ZFP42: variants seen among roughly 807,000 people sequenced by gnomAD.
The protein encoded by ZFP42 is zinc finger protein 42 homolog.
For synonymous variants in ZFP42, 175 were observed against 144.6 expected (o/e 1.21, Z -1.51); for missense variants, 438 against 377.1 (o/e 1.16, Z -1.34).
rs1733955709 is a variant in ZFP42 at position 188,003,926 on chromosome 4, CTTTTA to C, written c.*190_*194del. The C allele has an allele frequency of 5.4e-6, 3 of 553,074 alleles. No individual in the cohort carries two copies. Among genetic ancestry groups the C allele is most frequent in the Admixed American group, 7.4e-5 (2 of 26,934 alleles). The allele number at this position is 553,074 out of a possible 1,614,324, so 34.3% of individuals were successfully genotyped here. ...TTAAGGACATGGTGCATTTTTTTTT[CTTTTA>C]TTTGTTTTATTTAGAACTTTTTTTA... On this transcript the variant is annotated 3_prime_UTR_variant, in exon 4 of 4. Coordinates refer to ENST00000326866, the MANE Select transcript of ZFP42 (RefSeq NM_174900.5).
At chr4:187,999,768 C>T (rs1733738461) in intron 3 of ZFP42, 83 bp downstream of exon 3, 1 of 152,210 alleles carries the variant, frequency 6.6e-6, no homozygotes, top group Admixed American at 6.6e-5. Flanking sequence ...CTTTGGGACT[C>T]AACTGAGCTG....
At position 188,003,670 on chromosome 4, in the gene ZFP42, A is replaced by G; in HGVS notation, c.863A>G (p.Gln288Arg). The G allele has an allele frequency of 6.2e-7, 1 of 1,613,874 alleles. No individual in the cohort carries two copies. The highest frequency in any genetic ancestry group is 8.5e-7 in the Non-Finnish European group (1 of 1,180,016). ...PFQGCNRRFI[Q>R]SNNLKAHILT... ...CAAGGCTGCAACAGGAGGTTTATTC[A>G]GTCAAATAACCTGAAAGCCCACATC... The change falls in exon 4 of 4, where the codon CAG (glutamine) becomes CGG (arginine). Residue 288 changes from glutamine to arginine, a missense_variant. Coordinates refer to ENST00000326866, the MANE Select transcript of ZFP42 (RefSeq NM_174900.5).
intron 3 of ZFP42, among the ~76,000 whole-genome samples, chr4:188,001,352 CAT>C (rs1733813706): frequency 6.6e-6 from 1 of 152,130 alleles, no homozygotes; most frequent in Non-Finnish European, 1.5e-5. Context: ...AAAGCAATAA[CAT>C]ATTCATGCTA....
At chr4:187,999,451 G>T (rs1579118062) in intron 2 of ZFP42, among the ~76,000 whole-genome samples, 158 bp from the exon 3 acceptor site, 1 of 152,246 alleles carries the variant, frequency 6.6e-6, no homozygotes, top group East Asian at 1.9e-4. Context: ...TCCTTTCTAT[G>T]TAACACCCTG....
rs574700220 is a variant in ZFP42 at position 187,996,984 on chromosome 4, G to A, written c.-339+1144G>A. On this transcript the variant is annotated intron_variant, in intron 1 of 3. Transcript: ENST00000326866. ...CCCCACCTTCCTGCCCGCCATAGCT[G>A]TAGGGAGCATGGAGCATGGAGCGTG... 8.4e-3 allele frequency among the ~76,000 whole-genome samples: 1,198 copies of A among 141,912 alleles called. 8 individuals are homozygous for A. The highest frequency in any genetic ancestry group is 0.028 in the Middle Eastern group (8 of 282). The allele number at this position is 141,912 out of a possible 152,430, so 93.1% of individuals were successfully genotyped here. A position where few individuals can be genotyped will look rare whatever the true frequency, so the allele number is the denominator to read the frequency against.
intron 1 of ZFP42, among the ~76,000 whole-genome samples, chr4:187,998,433 A>C (rs1224126223): frequency 6.6e-6 from 1 of 152,186 alleles, no homozygotes; most frequent in African/African-American, 2.4e-5. Context: ...TAAGTTCTAA[A>C]ATTTGCCTAA....
At chr4:187,996,177 T>C (rs114450283) in intron 1 of ZFP42, among the ~76,000 whole-genome samples, 65,852 of 151,830 alleles carry the variant, frequency 0.43, 15,337 homozygotes, top group East Asian at 0.89. Flanking sequence ...TGGCTAAGTC[T>C]TTTCTATATT....
chr4:187,997,014 GTGGAGCATGGAGCATGGAGCGTGGAGCA>G (rs1156558077), intron 1 of ZFP42, among the ~76,000 whole-genome samples: 18 of 23,090 alleles, frequency 7.8e-4, no homozygotes, highest in African/African-American at 2.5e-3. Context: ...AGCGTGGAGC[GTGGAGCATGGAGCATGGAGCGTGGAGCA>G]TGGAGCATGG....
chr4:188,001,394 G>A (rs559739681), intron 3 of ZFP42, among the ~76,000 whole-genome samples: 1 of 152,278 alleles, frequency 6.6e-6, no homozygotes, highest in South Asian at 2.1e-4. Context: ...GCTGTTAAAT[G>A]TTTAAGGAAA....
At chr4:187,997,717 T>C (rs1733656940) in intron 1 of ZFP42, among the ~76,000 whole-genome samples, 1 of 152,128 alleles carries the variant, frequency 6.6e-6, no homozygotes. Flanking sequence ...CTTTTACCAG[T>C]ATGTTTTCCA....
At chr4:187,996,496 G>C (rs1458809219) in intron 1 of ZFP42, among the ~76,000 whole-genome samples, 1 of 151,932 alleles carries the variant, frequency 6.6e-6, no homozygotes, top group Non-Finnish European at 1.5e-5. Context: ...TTTTAGTAGA[G>C]ACGGGGTTTC....
Position 188,003,853 on chromosome 4 carries a change from G to A in ZFP42, c.*113G>A, listed in dbSNP as rs1342862952. 1.6e-5 allele frequency: 18 copies of A among 1,153,366 alleles called. No individual in the cohort carries two copies. Among genetic ancestry groups the A allele is most frequent in the Non-Finnish European group, 2.1e-5 (17 of 827,542 alleles). The allele number at this position is 1,153,366 out of a possible 1,614,324, so 71.4% of individuals were successfully genotyped here. ...AATCAATATTGCAACCCCAAAAGCG[G>A]TTATAATTTGGTGTTACTAAGATGC... is the stretch of plus-strand genomic sequence containing the variant. On this transcript the variant is annotated 3_prime_UTR_variant, in exon 4 of 4. Coordinates refer to ENST00000326866, the MANE Select transcript of ZFP42 (RefSeq NM_174900.5).
chr4:188,002,845 A>G lies in ZFP42; in HGVS notation c.38A>G (p.His13Arg). ...QQLKKRAKTRHQKGLGGRAPS... is the reference protein window; with the variant it reads ...QQLKKRAKTRRQKGLGGRAPS... ...CTGAAGAAACGGGCAAAGACAAGAC[A>G]CCAGAAAGGCCTGGGTGGAAGAGCC... is the stretch of plus-strand genomic sequence containing the variant. The change falls in exon 4 of 4, where the codon CAC (histidine) becomes CGC (arginine). Residue 13 changes from histidine to arginine, a missense_variant. By Grantham distance (29) the His-to-Arg change is conservative (BLOSUM62 0). Transcript: ENST00000326866. 1 of 1,614,196 alleles carries G rather than the reference A, an allele frequency of 6.2e-7. No homozygotes were observed. The highest frequency in any genetic ancestry group is 8.5e-7 in the Non-Finnish European group (1 of 1,180,018).
rs763531143 is a variant in ZFP42, at chr4:188,003,108, G to C, written c.301G>C (p.Gly101Arg). 1 of 1,614,002 alleles carries C rather than the reference G, an allele frequency of 6.2e-7. No homozygotes were observed. Among genetic ancestry groups the C allele is most frequent in the Non-Finnish European group, 8.5e-7 (1 of 1,180,032 alleles). Reference protein sequence around the residue: ...LFESLEYLKKGSEQQLSQKVF... With the variant: ...LFESLEYLKKRSEQQLSQKVF... ...TGAGTCCTTGGAATACCTAAAGAAA[G>C]GATCAGAACAACAGCTTTCTCAAAA... Residue 101 changes from glycine to arginine, a missense_variant, in exon 4 of 4, where the codon GGA (glycine) becomes CGA (arginine). Physicochemically the swap from Gly to Arg is moderately radical, Grantham distance 125 (BLOSUM62 -2). Transcript: ENST00000326866.
Position 188,002,992 on chromosome 4 carries a change from C to G in ZFP42, c.185C>G (p.Ala62Gly). ...GTGTGCTATGAGCCTGGCCCTCAGG[C>G]TCTCGGAGGGGATGATTTCTCAGAC... ...GYVCYEPGPQALGGDDFSDCY... is the reference protein window; with the variant it reads ...GYVCYEPGPQGLGGDDFSDCY... Residue 62 changes from alanine to glycine, a missense_variant, in exon 4 of 4, where the codon GCT (alanine) becomes GGT (glycine). Transcript: ENST00000326866. The G allele has an allele frequency of 6.2e-7, 1 of 1,614,154 alleles. No individual in the cohort carries two copies. The highest frequency in any genetic ancestry group is 8.5e-7 in the Non-Finnish European group (1 of 1,180,020).
intron 3 of ZFP42, among the ~76,000 whole-genome samples, chr4:188,002,381 C>T (rs1733859163): frequency 6.6e-6 from 1 of 152,176 alleles, no homozygotes; most frequent in African/African-American, 2.4e-5. Flanking sequence ...ATTTTCTATG[C>T]TCATGAGTAT....
intron 1 of ZFP42, among the ~76,000 whole-genome samples, chr4:187,997,654 G>A (rs751818608): frequency 2.6e-5 from 4 of 151,838 alleles, no homozygotes; most frequent in African/African-American, 4.8e-5. Flanking sequence ...TTTTCCCTAA[G>A]TTCAGCACCT....
intron 3 of ZFP42, among the ~76,000 whole-genome samples, chr4:188,000,285 C>A (rs991681982): frequency 2.6e-5 from 4 of 152,208 alleles, no homozygotes; most frequent in South Asian, 4.1e-4. Flanking sequence ...TTGGGGAGAG[C>A]AGCTCTGTGT....
Position 188,004,317 on chromosome 4 carries a change from T to A in ZFP42, c.*577T>A, listed in dbSNP as rs181882507. The A allele has an allele frequency of 6.4e-6, 1 of 155,114 alleles. No individual in the cohort carries two copies. Among genetic ancestry groups the A allele is most frequent in the African/African-American group, 2.4e-5 (1 of 41,516 alleles). 9.6% of individuals were successfully genotyped at this position (155,114 alleles called of 1,614,324 possible). ...AAATTTGTTTTTATTTGTATTTATA[T>A]ATTTTTATTTTTGTTTTTGTTGGTA... is the stretch of plus-strand genomic sequence containing the variant. On this transcript the variant is annotated 3_prime_UTR_variant, in exon 4 of 4. Coordinates refer to ENST00000326866, the MANE Select transcript of ZFP42 (RefSeq NM_174900.5).
Sources: allele counts gnomAD v4.1 joint callset (sites outside exome capture counted in the v4.1 genomes callset), GRCh38; gene constraint gnomAD v4.1.1; transcripts MANE v1.5; gene names NCBI Gene and HGNC (gene_info 2026-07-23, HGNC 2026-07-21).